FAM13C: variants seen among roughly 807,000 people sequenced by gnomAD.
FAM13C encodes protein FAM13C.
In FAM13C, 37 loss-of-function variants were observed where a neutral mutation model predicts 73.2. The observed-to-expected ratio is 0.51, with a 90% CI of 0.39 to 0.67. FAM13C has a LOEUF of 0.67. Among genes scored for constraint, FAM13C ranks in the 30% least tolerant of loss-of-function variants. The pLI is 0.00. For missense variants in FAM13C, 589 were observed against 715.6 expected, an observed-to-expected ratio of 0.82 and a Z score of 2.02; for synonymous variants, 246 against 260.9, an observed-to-expected ratio of 0.94 and a Z score of 0.55.
chr10:59,344,966 T>C (rs1350028755), intron 3 of FAM13C, among the ~76,000 whole-genome samples: 1 of 152,176 alleles, frequency 6.6e-6, no homozygotes, highest in Non-Finnish European at 1.5e-5. Context: ...CGGTAGATCT[T>C]GACTGGCCTG....
At chr10:59,298,117 A>T (rs1589507232) in intron 5 of FAM13C, among the ~76,000 whole-genome samples, 1 of 152,336 alleles carries the variant, frequency 6.6e-6, no homozygotes, top group African/African-American at 2.4e-5. Flanking sequence ...CCATGAGAAG[A>T]TTGTTTTATT....
intron 3 of FAM13C, among the ~76,000 whole-genome samples, chr10:59,349,978 A>G (rs2134243406): frequency 6.6e-6 from 1 of 152,358 alleles, no homozygotes; most frequent in Non-Finnish European, 1.5e-5. Context: ...ACTGATCCCC[A>G]GAGTTCAGAA....
chr10:59,266,691 G>A (rs1174549877), intron 8 of FAM13C, among the ~76,000 whole-genome samples: 4 of 152,174 alleles, frequency 2.6e-5, no homozygotes, highest in Non-Finnish European at 5.9e-5. Context: ...GTGTACATGT[G>A]TGTGCATGTG....
At chr10:59,271,689 CAT>C (rs1163385631) in intron 6 of FAM13C, among the ~76,000 whole-genome samples, 1 of 152,206 alleles carries the variant, frequency 6.6e-6, no homozygotes, top group Non-Finnish European at 1.5e-5. Context: ...ACCAATAACT[CAT>C]AGCATATAAT....
intron 5 of FAM13C, among the ~76,000 whole-genome samples, chr10:59,287,336 CAAAAAAAAAAAAAA>C (rs58759332): frequency 1.4e-5 from 1 of 73,808 alleles, no homozygotes; most frequent in African/African-American, 5.5e-5. Context: ...GACTCTGTCT[CAAAAAAAAAAAAAA>C]AAAAAAAAAA....
At chr10:59,305,511 A>C (rs1390659265) in intron 4 of FAM13C, among the ~76,000 whole-genome samples, 1 of 152,234 alleles carries the variant, frequency 6.6e-6, no homozygotes, top group Admixed American at 6.5e-5. Context: ...TCCAATTTGC[A>C]TCCTGAAGAA....
intron 3 of FAM13C, among the ~76,000 whole-genome samples, chr10:59,336,932 T>C (rs2134144009): frequency 6.6e-6 from 1 of 152,272 alleles, no homozygotes; most frequent in East Asian, 1.9e-4. Flanking sequence ...ATCCTACAGT[T>C]CACGGATGAC....
intron 3 of FAM13C, among the ~76,000 whole-genome samples, chr10:59,342,435 G>A (rs982754512): frequency 2.0e-5 from 3 of 151,996 alleles, no homozygotes; most frequent in Admixed American, 1.3e-4. Context: ...AGGAGAAGGT[G>A]CGTTTGATTA....
At chr10:59,294,576 C>A (rs1428676598) in intron 5 of FAM13C, among the ~76,000 whole-genome samples, 1 of 152,188 alleles carries the variant, frequency 6.6e-6, no homozygotes, top group African/African-American at 2.4e-5. Context: ...GCTCACAGAC[C>A]TGGTTTCCCT....
At chr10:59,315,364 C>T (rs1270435814) in intron 4 of FAM13C, among the ~76,000 whole-genome samples, 1 of 151,974 alleles carries the variant, frequency 6.6e-6, no homozygotes, top group Non-Finnish European at 1.5e-5. Flanking sequence ...TGCTTTTTTC[C>T]ACTTAGATCA....
At chr10:59,359,942 A>G (rs1856192536) in intron 1 of FAM13C, among the ~76,000 whole-genome samples, 2 of 152,240 alleles carry the variant, frequency 1.3e-5, no homozygotes, top group Non-Finnish European at 2.9e-5. Context: ...ACGATTGACC[A>G]TGGAAAAATA....
intron 3 of FAM13C, among the ~76,000 whole-genome samples, chr10:59,348,855 C>T (rs1357959153): frequency 1.3e-5 from 2 of 152,230 alleles, no homozygotes; most frequent in East Asian, 1.9e-4. Context: ...AGGCTGGTCT[C>T]GAACTCCTGA....
At chr10:59,321,290 G>C (rs1304662571) in intron 4 of FAM13C, among the ~76,000 whole-genome samples, 1 of 152,124 alleles carries the variant, frequency 6.6e-6, no homozygotes, top group African/African-American at 2.4e-5. Flanking sequence ...AATGATCAGA[G>C]AGATGCAATG....
At chr10:59,322,375 C>A (rs984513108) in intron 4 of FAM13C, among the ~76,000 whole-genome samples, 1 of 152,170 alleles carries the variant, frequency 6.6e-6, no homozygotes, top group Non-Finnish European at 1.5e-5. Flanking sequence ...GTGCACAGAA[C>A]AGTCTGGAAT....
chr10:59,311,550 C>T (rs552504196), intron 4 of FAM13C, among the ~76,000 whole-genome samples: 15 of 152,302 alleles, frequency 9.8e-5, no homozygotes, highest in South Asian at 2.1e-4. Context: ...CAGTGCTCAG[C>T]CCAGGAGACG....
chr10:59,305,828 A>G (rs1055891553), intron 4 of FAM13C, among the ~76,000 whole-genome samples: 4 of 152,264 alleles, frequency 2.6e-5, no homozygotes, highest in Admixed American at 6.5e-5. Flanking sequence ...AAGGGGAAAA[A>G]GAGGGTGAGG....
At chr10:59,354,995 C>CAATAAT (rs150232105) in intron 2 of FAM13C, among the ~76,000 whole-genome samples, 14 of 149,832 alleles carry the variant, frequency 9.3e-5, no homozygotes, top group South Asian at 2.1e-4. Context: ...TGGACCTCAC[C>CAATAAT]AATAATAATA....
chr10:59,283,717 C>T (rs1461215937), intron 5 of FAM13C: 3 of 586,014 alleles, frequency 5.1e-6, no homozygotes, highest in Admixed American at 2.9e-5. Context: ...TAAATCCTAA[C>T]GTATATGGAT....
At chr10:59,327,860 G>A (rs1300562303) in intron 3 of FAM13C, 1 of 152,118 alleles carries the variant, frequency 6.6e-6, no homozygotes, top group Non-Finnish European at 1.5e-5. Context: ...CAGACTGAAG[G>A]GTAAGAGAGC....
Sources: allele counts gnomAD v4.1 joint callset (sites outside exome capture counted in the v4.1 genomes callset), GRCh38; gene constraint gnomAD v4.1.1; transcripts MANE v1.5; gene names NCBI Gene and HGNC (gene_info 2026-07-23, HGNC 2026-07-21).